Variants in PDE4D observed in about 807,000 individuals in gnomAD.
The protein encoded by PDE4D is 3',5'-cyclic-AMP phosphodiesterase 4D.
A neutral mutation model predicts 87.4 loss-of-function variants in PDE4D; 24 were observed. The ratio of observed to expected loss-of-function variants is 0.27; its 90% CI spans 0.20 to 0.39. The LOEUF (loss-of-function observed/expected upper bound fraction) is 0.39. Ranked by LOEUF, PDE4D falls within the 10% of genes least tolerant of loss-of-function variation. The pLI is 1.00. For synonymous variants in PDE4D, 384 were observed against 383.2 expected, an observed-to-expected ratio of 1.00 and a Z score of -0.02; for missense variants, 714 against 1,041.0, an observed-to-expected ratio of 0.69 and a Z score of 4.32.
At chr5:60,237,537 A>G (rs1241552262) in intron 1 of PDE4D, among the ~76,000 whole-genome samples, 1 of 152,024 alleles carries the variant, frequency 6.6e-6, no homozygotes, top group African/African-American at 2.4e-5. Context: ...TATATGGTTT[A>G]ATTTATATAA....
intron 2 of PDE4D, among the ~76,000 whole-genome samples, chr5:60,157,332 G>A (rs1399920520): frequency 6.6e-6 from 1 of 151,960 alleles, no homozygotes; most frequent in Non-Finnish European, 1.5e-5. Flanking sequence ...CATCTACTAA[G>A]TACCATGCAG....
intron 1 of PDE4D, among the ~76,000 whole-genome samples, chr5:59,371,247 G>T (rs1471224048): frequency 6.6e-6 from 1 of 152,212 alleles, no homozygotes; most frequent in African/African-American, 2.4e-5. Flanking sequence ...GATACGTTAG[G>T]AGTGGGACCT....
intron 3 of PDE4D, among the ~76,000 whole-genome samples, chr5:59,916,584 G>A (rs536494178): frequency 6.6e-6 from 1 of 152,222 alleles, no homozygotes; most frequent in African/African-American, 2.4e-5. Flanking sequence ...CCAATGCAAT[G>A]TACATATAAT....
chr5:59,963,759 A>G (rs986550802), intron 3 of PDE4D, among the ~76,000 whole-genome samples: 19 of 152,130 alleles, frequency 1.2e-4, no homozygotes, highest in Admixed American at 1.2e-3. Context: ...CCCTCTTCTC[A>G]CTGTTCAGGT....
chr5:59,305,779 C>T (rs1230290904), intron 1 of PDE4D, among the ~76,000 whole-genome samples: 1 of 152,072 alleles, frequency 6.6e-6, no homozygotes, highest in African/African-American at 2.4e-5. Context: ...TGATATAATT[C>T]AATTTTCTTA....
intron 1 of PDE4D, among the ~76,000 whole-genome samples, chr5:59,761,091 ATGTTAT>A (rs1403815058): frequency 6.6e-6 from 1 of 152,240 alleles, no homozygotes; most frequent in Non-Finnish European, 1.5e-5. Context: ...CCTGTACAGC[ATGTTAT>A]TCTACTGACT....
chr5:60,185,793 C>T (rs985813361), intron 1 of PDE4D: 7 of 441,542 alleles, frequency 1.6e-5, no homozygotes, highest in Non-Finnish European at 2.9e-5. Context: ...TTCATCGGAA[C>T]AGGCTAAAAC....
intron 1 of PDE4D, among the ~76,000 whole-genome samples, chr5:60,293,017 T>C (rs986416180): frequency 6.9e-6 from 1 of 144,418 alleles, no homozygotes. Context: ...ATTCCCCCCT[T>C]TTTTTTTTGA....
chr5:59,202,826 G>A (rs539328918), intron 2 of PDE4D, among the ~76,000 whole-genome samples: 3 of 152,248 alleles, frequency 2.0e-5, no homozygotes, highest in African/African-American at 7.2e-5. Flanking sequence ...GTGGAACTCT[G>A]AGTCCAGTTA....
At chr5:59,396,377 A>T (rs866093483) in intron 1 of PDE4D, among the ~76,000 whole-genome samples, 2 of 95,916 alleles carry the variant, frequency 2.1e-5, no homozygotes, top group Non-Finnish European at 4.1e-5. Flanking sequence ...GACTAACAGC[A>T]GATCTCTCGG....
rs1748041463 is a variant in PDE4D, at chr5:59,203,603, A to C, written c.648-10067T>G. On this transcript the variant is annotated intron_variant, in intron 2 of 14. Coordinates refer to ENST00000340635, the MANE Select transcript of PDE4D (RefSeq NM_001104631.2). ...AATCAACTTAAGTGTCTAACAACAG[A>C]TGAATAAAGAAAATGTTATATACAC... Among the ~76,000 whole-genome samples, 6 of 151,226 alleles carry C rather than the reference A, an allele frequency of 4.0e-5. 2 individuals carry two copies. The South Asian group carries it at 1.3e-3, about 32-fold the overall frequency.
At chr5:59,940,123 C>A (rs1048249334) in intron 3 of PDE4D, among the ~76,000 whole-genome samples, 3 of 152,064 alleles carry the variant, frequency 2.0e-5, no homozygotes, top group African/African-American at 7.2e-5. Flanking sequence ...TAGAGAACCC[C>A]CGCACTTGGA....
chr5:59,817,838 C>A (rs1412824185), intron 1 of PDE4D, among the ~76,000 whole-genome samples: 1 of 151,252 alleles, frequency 6.6e-6, no homozygotes. Context: ...CAGCACTGAA[C>A]CAAGCTGGCA....
At chr5:59,137,727 C>T (rs944728078) in intron 5 of PDE4D, among the ~76,000 whole-genome samples, 2 of 152,050 alleles carry the variant, frequency 1.3e-5, no homozygotes, top group African/African-American at 2.4e-5. Context: ...AGGGTTTCAC[C>T]GTATTAACCA....
chr5:60,278,002 A>G (rs956773596), intron 1 of PDE4D, among the ~76,000 whole-genome samples: 1 of 152,172 alleles, frequency 6.6e-6, no homozygotes, highest in Non-Finnish European at 1.5e-5. Context: ...GTATTTATAC[A>G]TATTTTTGCT....
At chr5:59,639,461 A>G (rs559383630) in intron 1 of PDE4D, among the ~76,000 whole-genome samples, 1 of 152,162 alleles carries the variant, frequency 6.6e-6, no homozygotes, top group Non-Finnish European at 1.5e-5. Flanking sequence ...GGCAGTGGTA[A>G]CAGAAGTGCA....
intron 1 of PDE4D, among the ~76,000 whole-genome samples, chr5:60,448,397 A>G (rs977845450): frequency 6.6e-6 from 1 of 152,158 alleles, no homozygotes; most frequent in Non-Finnish European, 1.5e-5. Context: ...AGGCACACAG[A>G]TGTCTGCCCT....
chr5:60,160,573 A>G (rs898528347), intron 2 of PDE4D, among the ~76,000 whole-genome samples: 38 of 152,192 alleles, frequency 2.5e-4, no homozygotes, highest in Non-Finnish European at 4.4e-4. Flanking sequence ...TCAAGTATTT[A>G]TTCAGTTGCT....
At chr5:60,380,617 T>C (rs1000853184) in intron 1 of PDE4D, among the ~76,000 whole-genome samples, 4 of 152,198 alleles carry the variant, frequency 2.6e-5, no homozygotes, top group Admixed American at 2.6e-4. Flanking sequence ...GAAATAACTC[T>C]CTTGTTTTAG....
Sources: gnomAD v4.1 joint callset for allele counts (sites outside exome capture counted in the v4.1 genomes callset) on GRCh38, gnomAD v4.1.1 for gene constraint, MANE v1.5 for transcripts, NCBI Gene and HGNC (gene_info 2026-07-23, HGNC 2026-07-21) for gene names.